The following EYS variants were observed in gnomAD, a reference collection of about 807,000 sequenced individuals.
EYS encodes protein eyes shut homolog.
EYS carries 250 observed loss-of-function variants against 282.1 expected under a neutral mutation model. The observed-to-expected ratio is 0.89, with a 90% confidence interval of 0.80 to 0.98. EYS has a LOEUF of 0.98. Among genes scored for constraint, EYS ranks in the 50% least tolerant of loss-of-function variants. The pLI is 0.00. For synonymous variants in EYS, 1,355 were observed against 1,282.9 expected (o/e 1.06, Z -1.20); for missense variants, 4,016 against 3,709.0 (o/e 1.08, Z -2.15).
At chr6:65,680,901 C>A (rs796737914) in intron 1 of EYS, among the ~76,000 whole-genome samples, 1 of 151,872 alleles carries the variant, frequency 6.6e-6, no homozygotes, top group Admixed American at 6.6e-5. Flanking sequence ...CACACTCTAC[C>A]TTGATGTAGC....
At chr6:63,728,315 A>G (rs1482887652) in intron 41 of EYS, among the ~76,000 whole-genome samples, 1 of 152,336 alleles carries the variant, frequency 6.6e-6, no homozygotes, top group Admixed American at 6.5e-5. Context: ...TATATAAACT[A>G]TGCATAAGTA....
At chr6:65,037,179 G>A (rs1010696801) in intron 13 of EYS, among the ~76,000 whole-genome samples, 5 of 151,774 alleles carry the variant, frequency 3.3e-5, no homozygotes. Context: ...AGGAGCTGGA[G>A]GCCATTATCT....
intron 2 of EYS, among the ~76,000 whole-genome samples, chr6:65,624,515 T>A (rs979449476): frequency 6.6e-6 from 1 of 152,138 alleles, no homozygotes; most frequent in African/African-American, 2.4e-5. Context: ...GATCGAAGGA[T>A]GCAAAGTATT....
chr6:63,728,602 A>G (rs1286108984), intron 41 of EYS, among the ~76,000 whole-genome samples: 1 of 152,222 alleles, frequency 6.6e-6, no homozygotes, highest in Non-Finnish European at 1.5e-5. Flanking sequence ...TTCATCATTT[A>G]CATAGGATTC....
intron 1 of EYS, among the ~76,000 whole-genome samples, chr6:65,643,898 C>T (rs543385832): frequency 5.3e-5 from 8 of 152,194 alleles, no homozygotes; most frequent in African/African-American, 1.2e-4. Flanking sequence ...AGGGAGCACG[C>T]GGTGGGACAA....
intron 12 of EYS, among the ~76,000 whole-genome samples, chr6:65,206,708 G>A (rs1005676310): frequency 2.6e-5 from 4 of 151,660 alleles, no homozygotes; most frequent in Admixed American, 1.3e-4. Flanking sequence ...AGGGATATAA[G>A]GGCAATTCAA....
chr6:65,081,821 AC>A (rs1354778201), intron 12 of EYS, among the ~76,000 whole-genome samples: 1 of 151,778 alleles, frequency 6.6e-6, no homozygotes, highest in Non-Finnish European at 1.5e-5. Context: ...ACTGCTGAAA[AC>A]CCTTTACTTC....
At chr6:64,631,974 T>G (rs1484503948) in intron 22 of EYS, among the ~76,000 whole-genome samples, 4 of 152,094 alleles carry the variant, frequency 2.6e-5, no homozygotes, top group African/African-American at 9.6e-5. Context: ...TCTATTTATA[T>G]TACATTTATA....
At chr6:65,536,350 G>A (rs549631212) in intron 2 of EYS, among the ~76,000 whole-genome samples, 7 of 151,190 alleles carry the variant, frequency 4.6e-5, no homozygotes, top group Non-Finnish European at 7.4e-5. Context: ...AGGTAGACAG[G>A]GAATAAAGTG....
chr6:65,392,520 A>C (rs1408507680), intron 7 of EYS, among the ~76,000 whole-genome samples: 2 of 152,166 alleles, frequency 1.3e-5, no homozygotes, highest in Non-Finnish European at 2.9e-5. Flanking sequence ...AGGATATGAA[A>C]AGACACTTCT....
chr6:64,159,632 G>T (rs1186660500), intron 31 of EYS, among the ~76,000 whole-genome samples: 1 of 146,754 alleles, frequency 6.8e-6, no homozygotes, highest in African/African-American at 2.5e-5. Context: ...GTTTTCTCCT[G>T]AATATTTTCA....
chr6:63,979,879 A>G (rs1767009274), intron 35 of EYS, among the ~76,000 whole-genome samples: 1 of 151,918 alleles, frequency 6.6e-6, no homozygotes, highest in African/African-American at 2.4e-5. Flanking sequence ...GAAACGTGTG[A>G]TGGTACTCAA....
chr6:63,764,038 T>G (rs997199339), intron 40 of EYS, among the ~76,000 whole-genome samples: 3 of 151,430 alleles, frequency 2.0e-5, no homozygotes, highest in African/African-American at 7.3e-5. Flanking sequence ...TCCCCCTTTC[T>G]TTCTTCTGAA....
chr6:64,127,156 T>G (rs1168399549), intron 31 of EYS, among the ~76,000 whole-genome samples: 1 of 152,212 alleles, frequency 6.6e-6, no homozygotes, highest in Non-Finnish European at 1.5e-5. Flanking sequence ...ATAAATGCAA[T>G]CTGTAACCTG....
At chr6:63,886,323 C>G (rs1054591863) in intron 35 of EYS, among the ~76,000 whole-genome samples, 1 of 152,050 alleles carries the variant, frequency 6.6e-6, no homozygotes, top group African/African-American at 2.4e-5. Context: ...GATATATTGT[C>G]TACAGAACAA....
chr6:64,024,969 G>A (rs555149097), intron 33 of EYS, among the ~76,000 whole-genome samples: 5 of 152,282 alleles, frequency 3.3e-5, no homozygotes, highest in South Asian at 2.1e-4. Context: ...AGGGACTTTC[G>A]CCTATCGCCC....
chr6:64,780,176 G>A (rs1438071447), intron 22 of EYS, among the ~76,000 whole-genome samples: 2 of 152,104 alleles, frequency 1.3e-5, no homozygotes, highest in African/African-American at 2.4e-5. Context: ...TGTAAATGAA[G>A]CAGATTTTAA....
At chr6:64,249,063 C>CAAAAAAAAAAAAAA (rs34663169) in intron 30 of EYS, among the ~76,000 whole-genome samples, 8 of 70,060 alleles carry the variant, frequency 1.1e-4, no homozygotes, top group Admixed American at 1.6e-4. Flanking sequence ...CACCCTGTCT[C>CAAAAAAAAAAAAAA]AAAAAAAAAA....
rs149728709 is a variant in EYS, at chr6:64,303,840, C to CA, written c.6191+3129dup. 4.8e-3 allele frequency among the ~76,000 whole-genome samples: 374 copies of CA among 78,094 alleles called. 6 individuals are homozygous for CA. The highest frequency in any genetic ancestry group is 0.015 in the Middle Eastern group (2 of 132). The allele number at this position is 78,094 out of a possible 152,430, so 51.2% of individuals were successfully genotyped here. ...TGGGCGACAGAGCGAAACTCCGTCT[C>CA]AAAAAAAAAAAAAAAAAAAAAGCCT... On this transcript the variant is annotated intron_variant, in intron 30 of 42. Transcript: ENST00000503581.
Sources: gnomAD v4.1 joint callset for allele counts (sites outside exome capture counted in the v4.1 genomes callset) on GRCh38, gnomAD v4.1.1 for gene constraint, MANE v1.5 for transcripts, NCBI Gene and HGNC (gene_info 2026-07-23, HGNC 2026-07-21) for gene names.